Variants in NECTIN1 observed in about 807,000 individuals in gnomAD.
NECTIN1 encodes nectin cell adhesion molecule 1, also known as nectin-1.
NECTIN1 carries 23 observed loss-of-function variants against 48.0 expected under a neutral mutation model. The ratio of observed to expected loss-of-function variants is 0.48; its 90% CI spans 0.34 to 0.68. NECTIN1 has a LOEUF of 0.68. Among genes scored for constraint, NECTIN1 ranks in the 30% least tolerant of loss-of-function variants. The probability of loss-of-function intolerance (pLI) is 0.01; values close to 1 mark genes in which losing one functional copy is unlikely to be tolerated. For synonymous variants in NECTIN1, 270 were observed against 288.9 expected, an observed-to-expected ratio of 0.93 and a Z score of 0.66; for missense variants, 591 against 709.9, an observed-to-expected ratio of 0.83 and a Z score of 1.90.
intron 4 of NECTIN1, 68 bp from the exon 5 acceptor site, chr11:119,675,378 C>T (rs1199943084): frequency 2.5e-6 from 4 of 1,588,182 alleles, no homozygotes; most frequent in Non-Finnish European, 3.5e-6. Context: ...TCCTGGGTCA[C>T]CCACTTGGCT....
chr11:119,718,735 A>C (rs1404968031), intron 1 of NECTIN1, among the ~76,000 whole-genome samples: 3 of 152,200 alleles, frequency 2.0e-5, no homozygotes, highest in Non-Finnish European at 4.4e-5. Flanking sequence ...CAGGAGATGC[A>C]ATAGTGATAA....
rs1171735907 is a variant in NECTIN1, at chr11:119,665,884, G to A, written c.1004-587C>T. ...CTTGGCTTCCAAGACCCAGAACCAG[G>A]AGCCACCTAGGTGTTCTGCACCTGA... On this transcript the variant is annotated intron_variant, in intron 5 of 5. Coordinates refer to ENST00000264025, the MANE Select transcript of NECTIN1 (RefSeq NM_002855.5). This position sits in a 1 kb window ranked among gnomAD's most constrained non-coding sequence, Gnocchi z 5.1. Among the ~76,000 whole-genome samples, 2 of 152,202 alleles carry A rather than the reference G, an allele frequency of 1.3e-5. No homozygotes were observed. The highest frequency in any genetic ancestry group is 1.3e-4 in the Admixed American group (2 of 15,280).
chr11:119,649,391 A>AT (rs57948585), intron 5 of NECTIN1, among the ~76,000 whole-genome samples: 3 of 151,120 alleles, frequency 2.0e-5, no homozygotes, highest in Non-Finnish European at 4.4e-5. Flanking sequence ...AAAAAAAAAA[A>AT]GAAAAAGAAA....
At chr11:119,647,834 G>C (rs1395334113) in intron 5 of NECTIN1, among the ~76,000 whole-genome samples, 1 of 151,966 alleles carries the variant, frequency 6.6e-6, no homozygotes, top group East Asian at 1.9e-4. Context: ...AGGCCGAGGT[G>C]GGTGGATCAC....
chr11:119,657,989 C>T (rs995350127), downstream of NECTIN1, among the ~76,000 whole-genome samples: 6 of 148,862 alleles, frequency 4.0e-5, no homozygotes, highest in East Asian at 4.0e-4. Flanking sequence ...AACCTATTGG[C>T]GTGGGGCAGG....
chr11:119,691,791 G>C (rs982777399), intron 1 of NECTIN1, among the ~76,000 whole-genome samples: 1 of 152,130 alleles, frequency 6.6e-6, no homozygotes, highest in East Asian at 1.9e-4. Context: ...TGTATAAAAT[G>C]ACCTCCCCAG....
chr11:119,668,728 T>C (rs1161486848), intron 5 of NECTIN1, among the ~76,000 whole-genome samples: 1 of 152,266 alleles, frequency 6.6e-6, no homozygotes, highest in Non-Finnish European at 1.5e-5. Context: ...ATTAATCACA[T>C]ACTGACATAG....
At position 119,664,642 on chromosome 11, in the gene NECTIN1, G is replaced by A; in HGVS notation, c.*105C>T. On this transcript the variant is annotated 3_prime_UTR_variant, in exon 6 of 6. Transcript: ENST00000264025. ...TTCGGGGCTGGCTTTGGGCAGCTGGGCAAGTCTCTGTTCAGCTCCTGGAGT... is the reference window on the plus strand; with the variant it reads ...TTCGGGGCTGGCTTTGGGCAGCTGGACAAGTCTCTGTTCAGCTCCTGGAGT... 6.9e-6 allele frequency: 10 copies of A among 1,440,754 alleles called. No individual in the cohort carries two copies. The highest frequency in any genetic ancestry group is 9.1e-6 in the Non-Finnish European group (10 of 1,095,866). 89.2% of individuals were successfully genotyped at this position (1,440,754 alleles called of 1,614,324 possible).
chr11:119,688,815 G>A (rs1373953830), intron 1 of NECTIN1, among the ~76,000 whole-genome samples: 5 of 152,094 alleles, frequency 3.3e-5, no homozygotes, highest in Admixed American at 3.3e-4. Context: ...GAGGGGCAGT[G>A]AGTTGTGTTT....
At chr11:119,722,884 G>A (rs1418261084) in intron 1 of NECTIN1, among the ~76,000 whole-genome samples, 2 of 152,242 alleles carry the variant, frequency 1.3e-5, no homozygotes, top group South Asian at 2.1e-4. Context: ...AATGTGCTAC[G>A]CACTTTTCAT....
At position 119,645,807 on chromosome 11, in the gene NECTIN1, C is replaced by T. The variant is rs531588851; in HGVS notation, c.1004-5795G>A. 3.9e-5 allele frequency among the ~76,000 whole-genome samples: 6 copies of T among 152,314 alleles called. No individual in the cohort carries two copies. The East Asian group carries it at 1.2e-3, about 29-fold the overall frequency. ...CATACCCCTCTCCTCCTCAGTTTAGCTCATACAGGAGGGAACTCTTTCAAC... is the reference window on the plus strand; with the variant it reads ...CATACCCCTCTCCTCCTCAGTTTAGTTCATACAGGAGGGAACTCTTTCAAC... On this transcript the variant is annotated intron_variant, in intron 5 of 7. Transcript: ENST00000341398.
chr11:119,710,074 C>T (rs963448080), intron 1 of NECTIN1: 1 of 152,192 alleles, frequency 6.6e-6, no homozygotes, highest in African/African-American at 2.4e-5. Context: ...ACCCAGTCAC[C>T]CCTTCAGTCC....
chr11:119,653,893 C>G (rs1053118048), intron 5 of NECTIN1: 1 of 152,118 alleles, frequency 6.6e-6, no homozygotes, highest in African/African-American at 2.4e-5. Context: ...AGTCTACTCA[C>G]GTAGATTGAG....
Position 119,673,368 on chromosome 11 carries a change from C to T in NECTIN1, c.1003+1791G>A, listed in dbSNP as rs903234338. 6.6e-6 allele frequency among the ~76,000 whole-genome samples: 1 copy of T among 152,162 alleles called. No homozygotes were observed. Among genetic ancestry groups the T allele is most frequent in the Non-Finnish European group, 1.5e-5 (1 of 68,006 alleles). Reference sequence around the variant, plus strand: ...CCTGGCTCCTGCCTAACGGGGCTGCCAGCAAGAGCCATGTTGTGTCCCTCT... The same window carrying T: ...CCTGGCTCCTGCCTAACGGGGCTGCTAGCAAGAGCCATGTTGTGTCCCTCT... On this transcript the variant is annotated intron_variant, in intron 5 of 5. Transcript: ENST00000264025. This position sits in a 1 kb window ranked among gnomAD's most constrained non-coding sequence, Gnocchi z 5.8.
chr11:119,661,523 C>A lies in NECTIN1; in HGVS notation c.*3224G>T. On this transcript the variant is annotated 3_prime_UTR_variant, in exon 6 of 6. Transcript: ENST00000264025. ...GGGGTCTCTGTCTGGACTCCTGAGG[C>A]CTGGGAGCACTACCCTCCTCCCAGA... 52 of 985,902 alleles carry A rather than the reference C, an allele frequency of 5.3e-5. No individual in the cohort carries two copies. The highest frequency in any genetic ancestry group is 6.3e-5 in the Non-Finnish European group (52 of 829,990). The allele number at this position is 985,902 out of a possible 1,614,324, so 61.1% of individuals were successfully genotyped here. A position where few individuals can be genotyped will look rare whatever the true frequency, so the allele number is the denominator to read the frequency against.
intron 1 of NECTIN1, among the ~76,000 whole-genome samples, chr11:119,682,982 TC>T (rs1479822605): frequency 1.3e-5 from 2 of 152,186 alleles, no homozygotes; most frequent in East Asian, 3.9e-4. Context: ...ATTTTCTACT[TC>T]CTGGCATATG....
intron 1 of NECTIN1, among the ~76,000 whole-genome samples, chr11:119,686,866 C>T (rs140270009): frequency 2.2e-4 from 33 of 152,262 alleles, no homozygotes; most frequent in Admixed American, 7.2e-4. Flanking sequence ...GTTTCTCATA[C>T]GGAGTTTGGA....
At position 119,664,203 on chromosome 11, in the gene NECTIN1, C is replaced by G; in HGVS notation, c.*544G>C. ...AGAAGCCGCACCCCTCCCCCTACCTCTTGGGCGCACCAGCTGTCTAGACCC... is the reference window on the plus strand; with the variant it reads ...AGAAGCCGCACCCCTCCCCCTACCTGTTGGGCGCACCAGCTGTCTAGACCC... On this transcript the variant is annotated 3_prime_UTR_variant, in exon 6 of 6. Coordinates refer to ENST00000264025, the MANE Select transcript of NECTIN1 (RefSeq NM_002855.5). 1 of 987,384 alleles carries G rather than the reference C, an allele frequency of 1.0e-6. No homozygotes were observed. Among genetic ancestry groups the G allele is most frequent in the Non-Finnish European group, 1.2e-6 (1 of 831,056 alleles). The allele number at this position is 987,384 out of a possible 1,614,324, so 61.2% of individuals were successfully genotyped here.
At chr11:119,689,858 C>T (rs990863506) in intron 1 of NECTIN1, among the ~76,000 whole-genome samples, 2 of 152,214 alleles carry the variant, frequency 1.3e-5, no homozygotes, top group African/African-American at 4.8e-5. Flanking sequence ...GACCAGGGCC[C>T]CAGAGCAATC....
Sources: allele counts gnomAD v4.1 joint callset (sites outside exome capture counted in the v4.1 genomes callset), GRCh38; gene constraint gnomAD v4.1.1; non-coding constraint Gnocchi (gnomAD v3.1); transcripts MANE v1.5; gene names NCBI Gene and HGNC (gene_info 2026-07-23, HGNC 2026-07-21).